The following GLG1 variants were observed in gnomAD, a reference collection of about 807,000 sequenced individuals.
The protein encoded by GLG1 is golgi glycoprotein 1, also known as Golgi apparatus protein 1.
A neutral mutation model predicts 160.5 loss-of-function variants in GLG1; 38 were observed. The ratio of observed to expected loss-of-function variants is 0.24; its 90% CI spans 0.18 to 0.31. The LOEUF is 0.31. GLG1 is among the 10% of genes least tolerant of loss of function. The pLI, the probability that GLG1 is intolerant of heterozygous loss-of-function variation, is 1.00. For missense variants in GLG1, 1,373 were observed against 1,505.2 expected, an observed-to-expected ratio of 0.91 and a Z score of 1.45; for synonymous variants, 644 against 543.4, an observed-to-expected ratio of 1.19 and a Z score of -2.57.
At chr16:74,477,774 G>C (rs1302620338) in intron 11 of GLG1, among the ~76,000 whole-genome samples, 3 of 151,938 alleles carry the variant, frequency 2.0e-5, no homozygotes, top group African/African-American at 7.2e-5. Flanking sequence ...GGGAGTTTGA[G>C]ACCAGCCTGA....
chr16:74,500,889 T>C (rs909290789), intron 4 of GLG1, among the ~76,000 whole-genome samples: 6 of 152,228 alleles, frequency 3.9e-5, no homozygotes, highest in Non-Finnish European at 8.8e-5. Context: ...GTATCTTCTT[T>C]GTTCTAAAAT....
chr16:74,547,006 G>A (rs1377929371), intron 1 of GLG1, among the ~76,000 whole-genome samples: 1 of 152,088 alleles, frequency 6.6e-6, no homozygotes, highest in Non-Finnish European at 1.5e-5. Flanking sequence ...TTACTCAACT[G>A]GTTGCTAGAA....
At chr16:74,479,247 A>AG (rs2015511800) in intron 11 of GLG1, among the ~76,000 whole-genome samples, 1 of 150,112 alleles carries the variant, frequency 6.7e-6, no homozygotes, top group African/African-American at 2.4e-5. Flanking sequence ...TCAAAAAAAA[A>AG]AAAAAAAAAG....
chr16:74,601,029 G>C (rs185291308), intron 1 of GLG1, among the ~76,000 whole-genome samples: 2 of 152,244 alleles, frequency 1.3e-5, no homozygotes, highest in East Asian at 1.9e-4. Context: ...TATGTGGTTA[G>C]ATTGCTTCCA....
At chr16:74,586,564 T>C (rs1281287302) in intron 1 of GLG1, among the ~76,000 whole-genome samples, 2 of 152,004 alleles carry the variant, frequency 1.3e-5, no homozygotes, top group African/African-American at 2.4e-5. Flanking sequence ...AGCCTCAATC[T>C]CCTCAGCTCA....
chr16:74,580,102 A>G (rs956743833), intron 1 of GLG1, among the ~76,000 whole-genome samples: 4 of 152,128 alleles, frequency 2.6e-5, no homozygotes, highest in African/African-American at 9.7e-5. Flanking sequence ...CTTTTCCAGA[A>G]GAGCTGAATC....
At chr16:74,473,489 G>C (rs532661869) in intron 13 of GLG1, among the ~76,000 whole-genome samples, 49 of 144,680 alleles carry the variant, frequency 3.4e-4, no homozygotes, top group African/African-American at 1.2e-3. Context: ...GCTCGGGCTG[G>C]AGTGCAGTGG....
At chr16:74,500,114 G>T (rs2016353186) in intron 4 of GLG1, among the ~76,000 whole-genome samples, 1 of 152,082 alleles carries the variant, frequency 6.6e-6, no homozygotes, top group Admixed American at 6.6e-5. Context: ...GAGTTCCTCG[G>T]AGTCTCTGAG....
chr16:74,550,593 T>C (rs1278350597), intron 1 of GLG1, among the ~76,000 whole-genome samples: 2 of 152,222 alleles, frequency 1.3e-5, no homozygotes, highest in East Asian at 3.8e-4. Flanking sequence ...ATTTTTTAAA[T>C]TAAAGAGTAT....
rs1160718151 is a variant in GLG1, at chr16:74,450,375, T to C, written c.*2792A>G. On this transcript the variant is annotated 3_prime_UTR_variant, in exon 26 of 26. Transcript: ENST00000422840. ...TTTGCCAAATGAGGGACTTAATGAG[T>C]GCGGCCAGTTCAGACTTTGCTGGCC... 6.6e-6 allele frequency: 1 copy of C among 152,100 alleles called. No homozygotes were observed. The highest frequency in any genetic ancestry group is 1.5e-5 in the Non-Finnish European group (1 of 68,018). 9.4% of individuals were successfully genotyped at this position (152,100 alleles called of 1,614,324 possible). A position where few individuals can be genotyped will look rare whatever the true frequency, so the allele number is the denominator to read the frequency against.
chr16:74,491,203 C>G lies in GLG1; in HGVS notation c.1247G>C (p.Ser416Thr). 2 of 1,613,320 alleles carry G rather than the reference C, an allele frequency of 1.2e-6. No homozygotes were observed. The highest frequency in any genetic ancestry group is 1.7e-6 in the Non-Finnish European group (2 of 1,179,316). ...ESAVHRGRQV[S>T]SECQGEMLDY... Reference sequence around the variant, plus strand: ...CAGCATCTCCCCCTGGCACTCACTGCTGACTTGTCGCCCTAAGTTAGGATG... The same window carrying G: ...CAGCATCTCCCCCTGGCACTCACTGGTGACTTGTCGCCCTAAGTTAGGATG... Residue 416 changes from serine to threonine, a missense_variant, in exon 8 of 26, where the codon AGC (serine) becomes ACC (threonine). Physicochemically the swap from Ser to Thr is moderately conservative, Grantham distance 58. Around this residue, in one of 4 missense-constraint regions of GLG1, gnomAD observed 386 missense variants for 388.5 expected, o/e 0.99. Coordinates refer to ENST00000422840, the MANE Select transcript of GLG1 (RefSeq NM_001145667.2).
In GLG1 at chr16:74,557,982, A is replaced by G. The variant is rs376773596; in HGVS notation, c.439-25829T>C. On this transcript the variant is annotated intron_variant, in intron 1 of 25. Transcript: ENST00000422840. Reference sequence around the variant, plus strand: ...ATTTGTAAAGAACATATGCTGAACAAAATAGAAAAATTTTAAATGCTAGAC... The same window carrying G: ...ATTTGTAAAGAACATATGCTGAACAGAATAGAAAAATTTTAAATGCTAGAC... 9.8e-5 allele frequency among the ~76,000 whole-genome samples: 15 copies of G among 152,334 alleles called. No homozygotes were observed. In the East Asian group the frequency reaches 2.5e-3, roughly 25 times the overall value.
intron 1 of GLG1, among the ~76,000 whole-genome samples, chr16:74,570,460 A>T (rs554692188): frequency 8.8e-4 from 133 of 151,634 alleles, no homozygotes; most frequent in Admixed American, 1.7e-3. Context: ...ACAGTGGAAT[A>T]AAAAAAAATG....
intron 1 of GLG1, among the ~76,000 whole-genome samples, chr16:74,593,852 T>A (rs1958241521): frequency 6.6e-6 from 1 of 152,206 alleles, no homozygotes; most frequent in Admixed American, 6.5e-5. Context: ...ATCTACCATT[T>A]CACTTCATTG....
intron 1 of GLG1, among the ~76,000 whole-genome samples, chr16:74,605,191 AC>A (rs1372160913): frequency 7.0e-6 from 1 of 143,212 alleles, no homozygotes; most frequent in African/African-American, 2.5e-5. Context: ...CCTCCCCCCA[AC>A]CCCCCAAAAC....
chr16:74,463,570 C>A (rs1278549990), intron 19 of GLG1, 91 bp from the exon 20 acceptor site: 4 of 1,281,180 alleles, frequency 3.1e-6, no homozygotes, highest in Non-Finnish European at 4.4e-6. Flanking sequence ...GACGGAGTCT[C>A]ACCGTGTCAC....
rs543413609 is a variant in GLG1, at chr16:74,494,907, G to C, written c.979-76C>G. On this transcript the variant is annotated intron_variant, in intron 5 of 25. Transcript: ENST00000422840. ...TGAACATTATCCACAATCTCATATA[G>C]AGCTTTCTATTAAACGATTATAATC... is the stretch of plus-strand genomic sequence containing the variant. 8 of 757,228 alleles carry C rather than the reference G, an allele frequency of 1.1e-5. No individual in the cohort carries two copies. In the East Asian group the frequency reaches 1.3e-4, roughly 12 times the overall value. 46.9% of individuals were successfully genotyped at this position (757,228 alleles called of 1,614,324 possible).
At chr16:74,535,153 A>G (rs1225828174) in intron 1 of GLG1, among the ~76,000 whole-genome samples, 1 of 152,204 alleles carries the variant, frequency 6.6e-6, no homozygotes, top group Non-Finnish European at 1.5e-5. Flanking sequence ...AGTTAAGCCC[A>G]TGAAAGTTTG....
chr16:74,499,634 G>A (rs1236566700), intron 4 of GLG1, among the ~76,000 whole-genome samples: 1 of 152,134 alleles, frequency 6.6e-6, no homozygotes, highest in East Asian at 1.9e-4. Context: ...TTCTCAGAAC[G>A]TGTCCTGGTA....
Sources: gnomAD v4.1 joint callset for allele counts (sites outside exome capture counted in the v4.1 genomes callset) on GRCh38, gnomAD v4.1.1 for gene constraint, gnomAD v4.1.1 regional missense constraint, MANE v1.5 for transcripts, NCBI Gene and HGNC (gene_info 2026-07-23, HGNC 2026-07-21) for gene names.